Variants in PWP1 observed in about 807,000 individuals in gnomAD.
PWP1 encodes the protein PWP1 homolog, endonuclein.
PWP1 carries 47 observed loss-of-function variants against 69.9 expected under a neutral mutation model. The observed-to-expected ratio is 0.67, with a 90% confidence interval of 0.53 to 0.86. The LOEUF is 0.86. Among genes scored for constraint, PWP1 ranks in the 40% least tolerant of loss-of-function variants. PWP1 has a pLI of 0.00. For synonymous variants in PWP1, 222 were observed against 208.2 expected (o/e 1.07, Z -0.57); for missense variants, 551 against 608.8 (o/e 0.91, Z 1.00).
intron 3 of PWP1, 42 bp downstream of exon 3, chr12:107,688,844 A>G (rs765070373): frequency 4.5e-6 from 7 of 1,558,924 alleles, no homozygotes; most frequent in Non-Finnish European, 6.1e-6. Flanking sequence ...TACAAGCTCA[A>G]TATGTTGGAT....
intron 3 of PWP1, among the ~76,000 whole-genome samples, chr12:107,691,282 G>A (rs1889475029): frequency 6.6e-6 from 1 of 152,230 alleles, no homozygotes; most frequent in Non-Finnish European, 1.5e-5. Flanking sequence ...CATGAGTGAA[G>A]CACAGAGAAG....
chr12:107,699,711 A>G (rs150864562), intron 8 of PWP1, among the ~76,000 whole-genome samples: 3 of 152,322 alleles, frequency 2.0e-5, no homozygotes, highest in East Asian at 3.9e-4. Flanking sequence ...GGCAGTGCCC[A>G]TGGTGCAGTA....
intron 10 of PWP1, 113 bp from the exon 11 acceptor site, chr12:107,704,523 A>G: frequency 2.8e-6 from 2 of 706,320 alleles, no homozygotes; most frequent in Middle Eastern, 5.5e-4. Flanking sequence ...ACCTTAAAAC[A>G]GGCTTTAAAT....
intron 1 of PWP1, among the ~76,000 whole-genome samples, chr12:107,687,192 G>A (rs1889387650): frequency 6.6e-6 from 1 of 152,150 alleles, no homozygotes; most frequent in African/African-American, 2.4e-5. Flanking sequence ...CCCAGTAGTT[G>A]TAAATTCCAC....
At chr12:107,696,372 A>G in intron 5 of PWP1, 102 bp from the exon 6 acceptor site, 4 of 1,470,262 alleles carry the variant, frequency 2.7e-6, no homozygotes, top group South Asian at 2.7e-5. Flanking sequence ...ACTTTAAAGC[A>G]CATGGCTCAC....
intron 10 of PWP1, 37 bp from the exon 11 acceptor site, chr12:107,704,599 A>C: frequency 7.0e-7 from 1 of 1,419,930 alleles, no homozygotes; most frequent in South Asian, 1.2e-5. Flanking sequence ...AGGAGAATTG[A>C]ACTCTTAAAA....
intron 1 of PWP1, among the ~76,000 whole-genome samples, chr12:107,687,537 T>C (rs564797453): frequency 5.6e-4 from 86 of 152,322 alleles, no homozygotes; most frequent in Non-Finnish European, 9.8e-4. Flanking sequence ...GGAACCACTA[T>C]TTGAAGAGTT....
At chr12:107,688,593 C>T in intron 2 of PWP1, 22 bp from the exon 3 acceptor site, 1 of 1,611,682 alleles carries the variant, frequency 6.2e-7, no homozygotes, top group South Asian at 1.1e-5. Context: ...GGGTGATTCT[C>T]TTTTTCTTTC....
intron 3 of PWP1, among the ~76,000 whole-genome samples, chr12:107,690,166 A>G (rs749654705): frequency 2.0e-5 from 3 of 152,216 alleles, no homozygotes; most frequent in Non-Finnish European, 2.9e-5. Flanking sequence ...TACAAATGTT[A>G]TCTGCAACAA....
At chr12:107,686,969 CAAAAAAAAAAAAAA>C (rs61728433) in intron 1 of PWP1, among the ~76,000 whole-genome samples, 32 of 106,878 alleles carry the variant, frequency 3.0e-4, no homozygotes, top group South Asian at 3.2e-4. Context: ...GACTCCGTCT[CAAAAAAAAAAAAAA>C]AAAAAAAAAA....
chr12:107,699,390 G>C lies in PWP1; in HGVS notation c.762G>C (p.Gly254=). Reference sequence around the variant, plus strand: ...TATTACAGAGTTCCTCAGCAGAAGGGCATACCGATGCTGTCCTTGACCTTT... The same window carrying C: ...TATTACAGAGTTCCTCAGCAGAAGGCCATACCGATGCTGTCCTTGACCTTT... The part of the protein sequence containing the change: ...KKGKKSSSAE[G]HTDAVLDLSW... Residue 254 remains glycine, a synonymous_variant, in exon 8 of 15, where the codon GGG becomes GGC. Coordinates refer to ENST00000412830, the MANE Select transcript of PWP1 (RefSeq NM_007062.3). 6.2e-7 allele frequency: 1 copy of C among 1,612,804 alleles called. No individual in the cohort carries two copies. Among genetic ancestry groups the C allele is most frequent in the Non-Finnish European group, 8.5e-7 (1 of 1,178,958 alleles).
Position 107,702,959 on chromosome 12 carries a change from T to C in PWP1, c.831T>C (p.Ala277=). 1 of 1,611,018 alleles carries C rather than the reference T, an allele frequency of 6.2e-7. No individual in the cohort carries two copies. Among genetic ancestry groups the C allele is most frequent in the Non-Finnish European group, 8.5e-7 (1 of 1,177,236 alleles). ...LIRNVLASAS[A]DNTVILWDMS... ...GAAATGTTTTAGCAAGTGCATCAGC[T>C]GACAACACTGTAATTCTGTGGGATA... Residue 277 remains alanine, a synonymous_variant, in exon 9 of 15, where the codon GCT becomes GCC. Coordinates refer to ENST00000412830, the MANE Select transcript of PWP1 (RefSeq NM_007062.3).
At chr12:107,696,430 G>T in intron 5 of PWP1, 44 bp from the exon 6 acceptor site, 1 of 1,594,542 alleles carries the variant, frequency 6.3e-7, no homozygotes, top group South Asian at 1.1e-5. Context: ...GATTTTTGAT[G>T]ACTCATTCTG....
intron 8 of PWP1, 143 bp from the exon 9 acceptor site, chr12:107,702,792 T>G (rs1439696943): frequency 1.6e-6 from 1 of 619,910 alleles, no homozygotes; most frequent in African/African-American, 1.9e-5. Flanking sequence ...GTAGTTTTCA[T>G]TATGTAAGTC....
At chr12:107,708,817 A>C in intron 11 of PWP1, 109 bp from the exon 12 acceptor site, 1 of 989,286 alleles carries the variant, frequency 1.0e-6, no homozygotes, top group Non-Finnish European at 1.5e-6. Context: ...AATTTTTCAT[A>C]AGTTCCACCA....
At chr12:107,691,806 G>A (rs140548292) in intron 3 of PWP1, among the ~76,000 whole-genome samples, 4 of 151,874 alleles carry the variant, frequency 2.6e-5, no homozygotes, top group Admixed American at 1.3e-4. Flanking sequence ...TTCCTCATTC[G>A]CTTGGCCATC....
chr12:107,693,210 T>C, intron 5 of PWP1, 114 bp downstream of exon 5: 1 of 1,419,326 alleles, frequency 7.0e-7, no homozygotes, highest in Non-Finnish European at 9.2e-7. Flanking sequence ...TTTAAGTTGG[T>C]TACATAGTTA....
chr12:107,693,613 C>A (rs1386827789), intron 5 of PWP1, among the ~76,000 whole-genome samples: 2 of 152,112 alleles, frequency 1.3e-5, no homozygotes, highest in Non-Finnish European at 2.9e-5. Context: ...CACCTGTAAT[C>A]CCAGTACTTT....
Position 107,712,378 on chromosome 12 carries a change from G to A in PWP1, c.*158G>A, listed in dbSNP as rs144416124. ...AACTGCGGTGGCACCACAAATATCC[G>A]GTCTTTGTGCTTGCTCTTCAGATGG... On this transcript the variant is annotated 3_prime_UTR_variant, in exon 15 of 15. Coordinates refer to ENST00000412830, the MANE Select transcript of PWP1 (RefSeq NM_007062.3). 1,476 of 563,468 alleles carry A rather than the reference G, an allele frequency of 2.6e-3. 17 individuals carry two copies. The highest frequency in any genetic ancestry group is 0.024 in the African/African-American group (1,277 of 53,284). 34.9% of individuals were successfully genotyped at this position (563,468 alleles called of 1,614,324 possible).
Sources: allele counts gnomAD v4.1 joint callset (sites outside exome capture counted in the v4.1 genomes callset), GRCh38; gene constraint gnomAD v4.1.1; transcripts MANE v1.5; gene names NCBI Gene and HGNC (gene_info 2026-07-23, HGNC 2026-07-21).